Variants in SPAG17 observed in about 807,000 individuals in gnomAD.
The protein encoded by SPAG17 is sperm-associated antigen 17.
In SPAG17, 169 loss-of-function variants were observed where a neutral mutation model predicts 273.6. The ratio of observed to expected loss-of-function variants is 0.62; its 90% CI spans 0.55 to 0.70. The LOEUF is 0.70. SPAG17 is among the 30% of genes least tolerant of loss of function. The pLI is 0.00. For missense variants in SPAG17, 2,557 were observed against 2,627.8 expected, an observed-to-expected ratio of 0.97 and a Z score of 0.59; for synonymous variants, 825 against 873.2, an observed-to-expected ratio of 0.94 and a Z score of 0.97.
At chr1:118,039,512 G>A (rs1425072539) in intron 22 of SPAG17, 68 bp from the exon 23 acceptor site, 18 of 1,489,418 alleles carry the variant, frequency 1.2e-5, no homozygotes, top group Non-Finnish European at 1.7e-5. Flanking sequence ...CGACAAGATG[G>A]TTACACAATG....
intron 46 of SPAG17, among the ~76,000 whole-genome samples, chr1:117,968,730 CTG>C (rs2101475927): frequency 6.6e-6 from 1 of 152,308 alleles, no homozygotes; most frequent in South Asian, 2.1e-4. Context: ...GAGCCTATAA[CTG>C]GGGCTGCTTT....
chr1:118,090,191 G>A (rs755454197), intron 10 of SPAG17, among the ~76,000 whole-genome samples: 3 of 152,192 alleles, frequency 2.0e-5, no homozygotes, highest in Non-Finnish European at 4.4e-5. Flanking sequence ...ATTTAGAACA[G>A]TGCCTGGCGC....
At chr1:118,125,362 T>C (rs950472256) in intron 3 of SPAG17, among the ~76,000 whole-genome samples, 1 of 152,146 alleles carries the variant, frequency 6.6e-6, no homozygotes, top group African/African-American at 2.4e-5. Context: ...CTCAAACACT[T>C]ATCATTTCTT....
At chr1:118,104,170 G>C (rs1304289442) in intron 4 of SPAG17, among the ~76,000 whole-genome samples, 4 of 152,172 alleles carry the variant, frequency 2.6e-5, no homozygotes, top group Non-Finnish European at 5.9e-5. Flanking sequence ...TAGTGACTTA[G>C]ATTAAAGTGT....
chr1:118,075,809 C>T (rs770176529), intron 15 of SPAG17, among the ~76,000 whole-genome samples: 11 of 152,138 alleles, frequency 7.2e-5, no homozygotes, highest in Non-Finnish European at 1.3e-4. Context: ...CACTTTCTTT[C>T]TCTCTGGTAT....
chr1:118,028,187 T>C (rs1240706695), intron 26 of SPAG17, 87 bp downstream of exon 26: 5 of 1,454,650 alleles, frequency 3.4e-6, no homozygotes, highest in Admixed American at 2.1e-5. Context: ...AAGATGTATG[T>C]TTAACTGGCA....
chr1:118,182,779 A>G (rs1441908578), intron 1 of SPAG17, among the ~76,000 whole-genome samples: 2 of 152,172 alleles, frequency 1.3e-5, no homozygotes, highest in East Asian at 1.9e-4. Flanking sequence ...TCCACCCATT[A>G]TTTAGAGCCC....
intron 34 of SPAG17, among the ~76,000 whole-genome samples, chr1:117,995,735 C>CACACACACACACACACAT (rs113958878): frequency 6.7e-6 from 1 of 149,512 alleles, no homozygotes; most frequent in Non-Finnish European, 1.5e-5. Flanking sequence ...CACACACACA[C>CACACACACACACACACAT]AAACCTAGGC....
At chr1:118,165,182 T>TA (rs1660105461) in intron 1 of SPAG17, among the ~76,000 whole-genome samples, 1 of 152,146 alleles carries the variant, frequency 6.6e-6, no homozygotes. Context: ...TCACACTTGT[T>TA]AAAGCACAAA....
chr1:118,171,604 G>T (rs1012810955), intron 1 of SPAG17, among the ~76,000 whole-genome samples: 6 of 152,138 alleles, frequency 3.9e-5, no homozygotes, highest in African/African-American at 1.4e-4. Context: ...GTCCGATGTT[G>T]CAGGTAAAAT....
At chr1:118,015,831 C>G (rs929788141) in intron 29 of SPAG17, 134 bp downstream of exon 29, 15 of 769,792 alleles carry the variant, frequency 1.9e-5, no homozygotes, top group Non-Finnish European at 2.7e-5. Context: ...ATCATCCATC[C>G]ATCCACCCAT....
In SPAG17 at chr1:117,981,386, T is replaced by C. The variant is rs1175634312; in HGVS notation, c.5888A>G (p.Lys1963Arg). 6.3e-7 allele frequency: 1 copy of C among 1,592,852 alleles called. No homozygotes were observed. Among genetic ancestry groups the C allele is most frequent in the East Asian group, 2.3e-5 (1 of 44,334 alleles). Reference protein sequence around the residue: ...SDLNLDFKPHKVSEQKSSSVP... With the variant: ...SDLNLDFKPHRVSEQKSSSVP... ...ACTTGAGGATTTCTGTTCTGAAACC[T>C]TATGTGGCTTGAAATCTAGAAAACC... The change falls in exon 43 of 49, where the codon AAG becomes AGG. Residue 1963 changes from lysine (K) to arginine (R), a missense_variant. Transcript: ENST00000336338.
At chr1:118,163,515 G>A (rs1273195538) in intron 1 of SPAG17, among the ~76,000 whole-genome samples, 1 of 150,824 alleles carries the variant, frequency 6.6e-6, no homozygotes, top group Non-Finnish European at 1.5e-5. Flanking sequence ...TTGTTGGGCT[G>A]AAGAAGACAT....
chr1:118,120,431 A>G (rs773691787), intron 3 of SPAG17, among the ~76,000 whole-genome samples: 11 of 152,208 alleles, frequency 7.2e-5, no homozygotes, highest in Non-Finnish European at 1.6e-4. Flanking sequence ...ATTTAAAATA[A>G]TATTCATTTA....
chr1:117,984,103 A>G (rs1656135613), intron 41 of SPAG17, among the ~76,000 whole-genome samples, 190 bp from the exon 42 acceptor site: 1 of 152,218 alleles, frequency 6.6e-6, no homozygotes, highest in Non-Finnish European at 1.5e-5. Flanking sequence ...AATTTCCTGT[A>G]ATTTCTTCTG....
chr1:117,963,653 C>T (rs977490998), intron 48 of SPAG17, 146 bp downstream of exon 48: 18 of 688,874 alleles, frequency 2.6e-5, no homozygotes, highest in South Asian at 7.5e-5. Flanking sequence ...TGTGAGCCAC[C>T]GGGCCCGGCC....
intron 10 of SPAG17, chr1:118,087,217 T>C (rs76327232): frequency 0.016 from 6,222 of 389,056 alleles, 210 homozygotes; most frequent in East Asian, 0.11. Flanking sequence ...TAGATATAAA[T>C]TTAATATTTC....
intron 4 of SPAG17, among the ~76,000 whole-genome samples, chr1:118,108,437 C>A (rs562023095): frequency 1.3e-5 from 2 of 152,106 alleles, no homozygotes; most frequent in African/African-American, 4.8e-5. Flanking sequence ...CCAGATCAGG[C>A]GCATTCAGCA....
chr1:118,178,841 A>G (rs1012657356), intron 1 of SPAG17, among the ~76,000 whole-genome samples: 2 of 152,056 alleles, frequency 1.3e-5, no homozygotes, highest in African/African-American at 4.8e-5. Flanking sequence ...AAAAAAATCA[A>G]TAAAGTAAGC....
Sources: allele counts gnomAD v4.1 joint callset (sites outside exome capture counted in the v4.1 genomes callset), GRCh38; gene constraint gnomAD v4.1.1; transcripts MANE v1.5; gene names NCBI Gene and HGNC (gene_info 2026-07-23, HGNC 2026-07-21).